RCAN2: variants seen among roughly 807,000 people sequenced by gnomAD.
The protein encoded by RCAN2 is regulator of calcineurin 2.
A neutral mutation model predicts 23.6 loss-of-function variants in RCAN2; 9 were observed. The observed-to-expected ratio is 0.38, with a 90% CI of 0.23 to 0.67. The LOEUF (loss-of-function observed/expected upper bound fraction) is 0.67, where lower values mean the gene tolerates loss of function less well. Among genes scored for constraint, RCAN2 ranks in the 30% least tolerant of loss-of-function variants. The pLI is 0.51. For synonymous variants in RCAN2, 109 were observed against 115.7 expected (o/e 0.94, Z 0.37); for missense variants, 273 against 302.3 (o/e 0.90, Z 0.72).
chr6:46,385,782 G>A (rs1765725866), intron 2 of RCAN2, among the ~76,000 whole-genome samples: 1 of 147,738 alleles, frequency 6.8e-6, no homozygotes, highest in Non-Finnish European at 1.5e-5. Flanking sequence ...GTTTGAACCT[G>A]GGAGGCAGAA....
intron 2 of RCAN2, among the ~76,000 whole-genome samples, chr6:46,281,034 C>T (rs543436467): frequency 3.3e-5 from 5 of 152,290 alleles, no homozygotes; most frequent in East Asian, 3.9e-4. Context: ...GAGGCCAATG[C>T]TGTGCTAGGT....
At chr6:46,362,017 T>C (rs965478365) in intron 2 of RCAN2, among the ~76,000 whole-genome samples, 22 of 152,340 alleles carry the variant, frequency 1.4e-4, no homozygotes, top group African/African-American at 5.1e-4. Context: ...TAAATCTTTA[T>C]TCAAGTCTTG....
chr6:46,269,731 G>T (rs1188240387), intron 2 of RCAN2, among the ~76,000 whole-genome samples: 1 of 152,174 alleles, frequency 6.6e-6, no homozygotes, highest in Non-Finnish European at 1.5e-5. Context: ...ATTTAGGAGT[G>T]CTGTCAGGAT....
intron 2 of RCAN2, among the ~76,000 whole-genome samples, chr6:46,366,074 CA>C (rs1396560310): frequency 6.6e-6 from 1 of 152,148 alleles, no homozygotes; most frequent in Non-Finnish European, 1.5e-5. Context: ...GATTTGAATT[CA>C]AGTTGCTTGA....
At chr6:46,229,634 T>C (rs7772814) in intron 4 of RCAN2, among the ~76,000 whole-genome samples, 10,914 of 152,228 alleles carry the variant, frequency 0.072, 1,364 homozygotes, top group African/African-American at 0.25. Context: ...TCATTTAACG[T>C]CTTCTCTATG....
rs1297172514 is a variant in RCAN2, at chr6:46,222,548, CTTG to C, written c.*590_*592del. 1 of 153,130 alleles carries C rather than the reference CTTG, an allele frequency of 6.5e-6. No individual in the cohort carries two copies. Among genetic ancestry groups the C allele is most frequent in the Non-Finnish European group, 1.5e-5 (1 of 68,464 alleles). The allele number at this position is 153,130 out of a possible 1,614,324, so 9.5% of individuals were successfully genotyped here. A position where few individuals can be genotyped will look rare whatever the true frequency, so the allele number is the denominator to read the frequency against. Reference sequence around the variant, plus strand: ...ACTCACAATAGTGAATATACCCAGACTTGTTGAGCTGGAATATTCTGATCATTT... The same window carrying C: ...ACTCACAATAGTGAATATACCCAGACTTGAGCTGGAATATTCTGATCATTT... On this transcript the variant is annotated 3_prime_UTR_variant, in exon 5 of 5. Coordinates refer to ENST00000371374, the MANE Select transcript of RCAN2 (RefSeq NM_001251974.2).
chr6:46,233,533 G>C (rs1765972490), intron 4 of RCAN2, among the ~76,000 whole-genome samples: 2 of 152,162 alleles, frequency 1.3e-5, no homozygotes, highest in Admixed American at 6.5e-5. Context: ...CTGCAGCAGA[G>C]ACCCAGAACC....
At chr6:46,464,562 C>T (rs1768318497) in intron 1 of RCAN2, among the ~76,000 whole-genome samples, 1 of 152,082 alleles carries the variant, frequency 6.6e-6, no homozygotes, top group Admixed American at 6.6e-5. Flanking sequence ...AGCCAGCCAT[C>T]CTGAGATACA....
At chr6:46,248,201 T>A (rs1157184458) in intron 3 of RCAN2, among the ~76,000 whole-genome samples, 2 of 152,238 alleles carry the variant, frequency 1.3e-5, no homozygotes, top group Admixed American at 1.3e-4. Flanking sequence ...GAGCTAGAAT[T>A]GATTTTTGGA....
At chr6:46,389,552 T>C (rs1246253264) in intron 2 of RCAN2, among the ~76,000 whole-genome samples, 1 of 152,238 alleles carries the variant, frequency 6.6e-6, no homozygotes. Context: ...GGCTAGATCA[T>C]GTGCTAGTCA....
chr6:46,321,288 T>C (rs897406931), intron 2 of RCAN2, among the ~76,000 whole-genome samples: 6 of 152,194 alleles, frequency 3.9e-5, no homozygotes, highest in Non-Finnish European at 8.8e-5. Flanking sequence ...TATTTACTTG[T>C]TTACTATTTC....
intron 2 of RCAN2, among the ~76,000 whole-genome samples, chr6:46,295,245 A>G (rs1458403934): frequency 6.6e-6 from 1 of 152,132 alleles, no homozygotes; most frequent in Non-Finnish European, 1.5e-5. Flanking sequence ...TAACAGCTCC[A>G]TTTACAGATC....
rs557124120 is a variant in RCAN2 at position 46,248,639 on chromosome 6, A to C, written c.399+84T>G. 4.4e-6 allele frequency: 5 copies of C among 1,137,866 alleles called. No homozygotes were observed. The African/African-American group carries it at 7.9e-5, about 18-fold the overall frequency. The allele number at this position is 1,137,866 out of a possible 1,614,324, so 70.5% of individuals were successfully genotyped here. ...TTTATAGACTACCAACCAATCTGAA[A>C]ATAGAAAGGGCTTCATTTACATTTT... On this transcript the variant is annotated intron_variant, in intron 3 of 4. Coordinates refer to ENST00000371374, the MANE Select transcript of RCAN2 (RefSeq NM_001251974.2).
At chr6:46,461,584 CTT>C (rs71715310) in intron 1 of RCAN2, among the ~76,000 whole-genome samples, 28 of 143,476 alleles carry the variant, frequency 2.0e-4, no homozygotes, top group East Asian at 6.2e-4. Context: ...TCTTTTTTTT[CTT>C]TTTTTTTTTT....
chr6:46,398,048 C>T (rs1755093691), intron 2 of RCAN2, among the ~76,000 whole-genome samples: 1 of 152,066 alleles, frequency 6.6e-6, no homozygotes, highest in African/African-American at 2.4e-5. Context: ...GACAGAAACA[C>T]AGAATTAGCG....
intron 2 of RCAN2, chr6:46,438,302 T>C (rs1431544770): frequency 3.9e-5 from 6 of 152,250 alleles, no homozygotes; most frequent in African/African-American, 9.7e-5. Context: ...CATTGAAGCA[T>C]GGCAGTCATG....
chr6:46,428,791 C>T (rs1386357423), intron 2 of RCAN2, among the ~76,000 whole-genome samples: 2 of 152,186 alleles, frequency 1.3e-5, no homozygotes, highest in East Asian at 1.9e-4. Flanking sequence ...TAGCTGAAAG[C>T]TCCTTCCACT....
In RCAN2 at chr6:46,277,760, G is replaced by C. The variant is rs1213897410; in HGVS notation, c.226-28864C>G. Among the ~76,000 whole-genome samples, 4 of 151,762 alleles carry C rather than the reference G, an allele frequency of 2.6e-5. No homozygotes were observed. In the South Asian group the frequency reaches 6.3e-4, roughly 24 times the overall value. On this transcript the variant is annotated intron_variant, in intron 2 of 4. Transcript: ENST00000371374. ...TCATGGGGAAGGGAGTGCTTTAAAG[G>C]GTTTTACTCAATTGAATATTTAATC...
chr6:46,268,575 G>T (rs967546260), intron 2 of RCAN2, among the ~76,000 whole-genome samples: 1 of 152,172 alleles, frequency 6.6e-6, no homozygotes, highest in Non-Finnish European at 1.5e-5. Context: ...CTCCTCCCAT[G>T]ATAGTGACAG....
Sources: gnomAD v4.1 joint callset for allele counts (sites outside exome capture counted in the v4.1 genomes callset) on GRCh38, gnomAD v4.1.1 for gene constraint, MANE v1.5 for transcripts, NCBI Gene and HGNC (gene_info 2026-07-23, HGNC 2026-07-21) for gene names.